The following TENM2 variants were observed in gnomAD, a reference collection of about 807,000 sequenced individuals.
TENM2 encodes teneurin transmembrane protein 2, also known as teneurin-2.
TENM2 carries 52 observed loss-of-function variants against 245.2 expected under a neutral mutation model. The observed-to-expected ratio is 0.21, with a 90% CI of 0.17 to 0.27. The LOEUF (loss-of-function observed/expected upper bound fraction) is 0.27. TENM2 is among the 10% of genes least tolerant of loss of function. The pLI is 1.00. For synonymous variants in TENM2, 1,363 were observed against 1,438.9 expected, an observed-to-expected ratio of 0.95 and a Z score of 1.19; for missense variants, 3,046 against 3,666.8, an observed-to-expected ratio of 0.83 and a Z score of 4.37.
intron 3 of TENM2, among the ~76,000 whole-genome samples, chr5:167,883,148 G>A (rs1421234229): frequency 6.6e-6 from 1 of 152,114 alleles, no homozygotes; most frequent in Non-Finnish European, 1.5e-5. Flanking sequence ...AAATGTTGAT[G>A]GCAATCCCAT....
At chr5:167,249,631 A>AT in the TENM2 span, among the ~76,000 whole-genome samples, 1 of 152,112 alleles carries the variant, frequency 6.6e-6, no homozygotes, top group African/African-American at 2.4e-5. Flanking sequence ...TCTTGTTGTC[A>AT]TTTAAGGAAG....
chr5:168,094,808 G>A (rs1472852515), intron 8 of TENM2, among the ~76,000 whole-genome samples: 1 of 152,108 alleles, frequency 6.6e-6, no homozygotes, highest in Non-Finnish European at 1.5e-5. Flanking sequence ...ATGAGCAGTA[G>A]GTGAGCAAGT....
the TENM2 span, among the ~76,000 whole-genome samples, chr5:167,059,764 C>T: frequency 1.2e-3 from 184 of 147,968 alleles, no homozygotes; most frequent in Non-Finnish European, 2.0e-3. Context: ...AGTGCAATGG[C>T]GTGATCTCAG....
intron 3 of TENM2, among the ~76,000 whole-genome samples, chr5:167,913,471 CAG>C (rs1218967723): frequency 5.3e-5 from 8 of 152,098 alleles, no homozygotes; most frequent in East Asian, 1.9e-4. Context: ...ACATTTGAAA[CAG>C]GGAGAAAAAA....
At chr5:167,127,752 A>G in the TENM2 span, among the ~76,000 whole-genome samples, 1 of 152,078 alleles carries the variant, frequency 6.6e-6, no homozygotes, top group Non-Finnish European at 1.5e-5. Context: ...TGCTGTGAAC[A>G]CATTAAAATT....
intron 2 of TENM2, among the ~76,000 whole-genome samples, chr5:167,493,308 C>T (rs1435536456): frequency 1.3e-5 from 2 of 152,070 alleles, no homozygotes; most frequent in African/African-American, 2.4e-5. Flanking sequence ...GAACAGAAAC[C>T]TTTATTGGCA....
intron 12 of TENM2, among the ~76,000 whole-genome samples, chr5:168,157,919 G>GTGTTGT (rs1003829131): frequency 6.6e-6 from 1 of 151,952 alleles, no homozygotes; most frequent in African/African-American, 2.4e-5. Flanking sequence ...GTTGTTGTTG[G>GTGTTGT]TGTTGTTGTT....
At chr5:168,203,526 C>T (rs1762098508) in intron 17 of TENM2, among the ~76,000 whole-genome samples, 163 bp from the exon 20 acceptor site, 1 of 152,202 alleles carries the variant, frequency 6.6e-6, no homozygotes, top group African/African-American at 2.4e-5. Flanking sequence ...AATATTGTAG[C>T]ATCACAAGGA....
At chr5:168,198,308 G>A (rs1358137162) in intron 15 of TENM2, among the ~76,000 whole-genome samples, 2 of 145,608 alleles carry the variant, frequency 1.4e-5, no homozygotes, top group Non-Finnish European at 3.0e-5. Flanking sequence ...CAATTCTCCT[G>A]CCTTGGCCTC....
At chr5:168,133,881 G>A (rs569767471) in intron 12 of TENM2, among the ~76,000 whole-genome samples, 9 of 152,322 alleles carry the variant, frequency 5.9e-5, no homozygotes, top group African/African-American at 1.4e-4. Context: ...GTGGCAAGAC[G>A]TGGTGGCTCA....
At chr5:168,060,917 A>G (rs915807158) in intron 6 of TENM2, among the ~76,000 whole-genome samples, 5 of 152,178 alleles carry the variant, frequency 3.3e-5, no homozygotes, top group Admixed American at 3.3e-4. Context: ...AACCTTTGCA[A>G]TATCTGGTGG....
At chr5:167,910,914 C>T (rs1254323123) in intron 3 of TENM2, among the ~76,000 whole-genome samples, 3 of 152,168 alleles carry the variant, frequency 2.0e-5, no homozygotes, top group Non-Finnish European at 4.4e-5. Flanking sequence ...CTTTGGATCT[C>T]TGCTAAATTG....
At chr5:167,707,053 C>T (rs1044468072) in intron 2 of TENM2, among the ~76,000 whole-genome samples, 7 of 150,166 alleles carry the variant, frequency 4.7e-5, no homozygotes, top group Admixed American at 4.0e-4. Context: ...TGCCCTTTCT[C>T]CACATCCTCC....
chr5:167,597,425 G>T (rs1233615373), intron 2 of TENM2, among the ~76,000 whole-genome samples: 2 of 152,040 alleles, frequency 1.3e-5, no homozygotes, highest in Non-Finnish European at 2.9e-5. Context: ...CAAGTGATCT[G>T]CCTGCCTCAG....
At chr5:168,015,058 T>C (rs1785545868) in intron 5 of TENM2, among the ~76,000 whole-genome samples, 1 of 152,216 alleles carries the variant, frequency 6.6e-6, no homozygotes, top group African/African-American at 2.4e-5. Flanking sequence ...CCAGCCTAAG[T>C]AGCCTCTTAC....
chr5:167,885,026 G>A (rs1309987826), intron 3 of TENM2, among the ~76,000 whole-genome samples: 1 of 151,926 alleles, frequency 6.6e-6, no homozygotes, highest in Non-Finnish European at 1.5e-5. Context: ...TGTGCTTATT[G>A]CCTGTTTTTA....
chr5:167,097,173 C>T, the TENM2 span, among the ~76,000 whole-genome samples: 3 of 152,040 alleles, frequency 2.0e-5, no homozygotes, highest in African/African-American at 7.2e-5. Context: ...GTCTTGTGGC[C>T]TATTGAGGTA....
intron 13 of TENM2, among the ~76,000 whole-genome samples, chr5:168,168,834 G>A (rs574263116): frequency 6.6e-6 from 1 of 152,086 alleles, no homozygotes; most frequent in East Asian, 1.9e-4. Flanking sequence ...CTGTCATTAG[G>A]GTATGAATTC....
At chr5:167,838,111 T>C (rs180731401) in intron 2 of TENM2, among the ~76,000 whole-genome samples, 1 of 152,356 alleles carries the variant, frequency 6.6e-6, no homozygotes, top group East Asian at 1.9e-4. Context: ...AGTTGGCAAC[T>C]TCTGACATAA....
Sources: allele counts gnomAD v4.1 joint callset (sites outside exome capture counted in the v4.1 genomes callset), GRCh38; gene constraint gnomAD v4.1.1; transcripts MANE v1.5; gene names NCBI Gene and HGNC (gene_info 2026-07-23, HGNC 2026-07-21).